HYKK: variants seen among roughly 807,000 people sequenced by gnomAD.
HYKK encodes the protein 5-hydroxy-L-lysine kinase.
HYKK carries 19 observed loss-of-function variants against 29.7 expected under a neutral mutation model. The observed-to-expected ratio is 0.64, with a 90% CI of 0.45 to 0.94. HYKK has a LOEUF of 0.94. HYKK is among the 40% of genes least tolerant of loss of function. HYKK has a pLI of 0.00. For missense variants in HYKK, 390 were observed against 443.4 expected (o/e 0.88, Z 1.08); for synonymous variants, 152 against 158.1 (o/e 0.96, Z 0.29).
At position 78,535,316 on chromosome 15, in the gene HYKK, G is replaced by A. The variant is rs1490125375; in HGVS notation, c.*1646G>A. The A allele has an allele frequency of 6.3e-5, 9 of 143,450 alleles. No homozygotes were observed. The highest frequency in any genetic ancestry group is 2.2e-4 in the South Asian group (1 of 4,618). The allele number at this position is 143,450 out of a possible 1,614,324, so 8.9% of individuals were successfully genotyped here. On this transcript the variant is annotated 3_prime_UTR_variant, in exon 5 of 5. Transcript: ENST00000388988. ...TTTTTTTTTTTTTTGGTGGTGGGGC[G>A]GCAGGGACAGGGTTTCACTGCAGCC... is the stretch of plus-strand genomic sequence containing the variant.
intron 1 of HYKK, among the ~76,000 whole-genome samples, chr15:78,510,769 A>G (rs2052066588): frequency 6.6e-6 from 1 of 152,140 alleles, no homozygotes; most frequent in South Asian, 2.1e-4. Context: ...TAAATTTTAC[A>G]TTCAGTGATA....
chr15:78,533,193 G>C lies in HYKK; in HGVS notation c.662-17G>C. 2 of 1,479,062 alleles carry C rather than the reference G, an allele frequency of 1.4e-6. No individual in the cohort carries two copies. Among genetic ancestry groups the C allele is most frequent in the Non-Finnish European group, 1.9e-6 (2 of 1,067,862 alleles). 91.6% of individuals were successfully genotyped at this position (1,479,062 alleles called of 1,614,324 possible). A position where few individuals can be genotyped will look rare whatever the true frequency, so the allele number is the denominator to read the frequency against. On this transcript the variant is annotated splice_polypyrimidine_tract_variant and intron_variant, in intron 4 of 4. Coordinates refer to ENST00000388988, the MANE Select transcript of HYKK (RefSeq NM_001013619.4). The stretch of plus-strand genomic sequence containing the variant: ...GGATATTCAATAACTGTTTTTACAT[G>C]ATTTTTCTACTTTCAGGTATCAATC...
At chr15:78,537,031 G>T (rs371046829), downstream of HYKK, among the ~76,000 whole-genome samples, 16 of 152,246 alleles carry the variant, frequency 1.1e-4, no homozygotes, top group African/African-American at 3.9e-4. Flanking sequence ...GGCCCCTCAG[G>T]TTCTTAGGTC....
chr15:78,513,482 GGCCACAA>G (rs1322815138), intron 2 of HYKK, 57 bp downstream of exon 2: 1 of 1,273,128 alleles, frequency 7.9e-7, no homozygotes, highest in Non-Finnish European at 1.1e-6. Flanking sequence ...ACTGCATTTT[GGCCACAA>G]GTAGAACTAT....
chr15:78,518,516 T>C (rs971095003), intron 3 of HYKK: 7 of 446,384 alleles, frequency 1.6e-5, no homozygotes, highest in African/African-American at 1.4e-4. Context: ...CTGTTTTTCA[T>C]TGCCTAACGT....
At chr15:78,509,051 A>C (rs2052045701) in intron 1 of HYKK, among the ~76,000 whole-genome samples, 1 of 148,586 alleles carries the variant, frequency 6.7e-6, no homozygotes, top group East Asian at 1.9e-4. Context: ...CTCAAAAACA[A>C]AAAAAAAAAA....
At chr15:78,527,777 TC>T in intron 4 of HYKK, 1 of 1,287,698 alleles carries the variant, frequency 7.8e-7, no homozygotes, top group Non-Finnish European at 9.9e-7. Context: ...CCTCTCTTCT[TC>T]CCATTAAATT....
At chr15:78,516,343 C>CT (rs575124681) in intron 3 of HYKK, among the ~76,000 whole-genome samples, 29,547 of 115,900 alleles carry the variant, frequency 0.25, 4,483 homozygotes, top group Admixed American at 0.42. Flanking sequence ...AAGGGTTGGT[C>CT]TTTTTTTTTT....
At position 78,534,578 on chromosome 15, in the gene HYKK, A is replaced by G. The variant is rs570457676; in HGVS notation, c.*908A>G. 2 of 152,278 alleles carry G rather than the reference A, an allele frequency of 1.3e-5. 1 individual carries two copies. The highest frequency in any genetic ancestry group is 4.1e-4 in the South Asian group (2 of 4,824). 9.4% of individuals were successfully genotyped at this position (152,278 alleles called of 1,614,324 possible). On this transcript the variant is annotated 3_prime_UTR_variant, in exon 5 of 5. Transcript: ENST00000388988. ...CTCATCCCTTCTTATCACACCTGCT[A>G]TTATAGTGCCTTTCCTACAGAGAGG...
chr15:78,530,106 G>C (rs562717632), intron 4 of HYKK, among the ~76,000 whole-genome samples: 2 of 152,136 alleles, frequency 1.3e-5, no homozygotes, highest in South Asian at 2.1e-4. Flanking sequence ...AAAGCACTAA[G>C]ATTACATGAG....
intron 4 of HYKK, among the ~76,000 whole-genome samples, chr15:78,530,196 ATTTATTT>A (rs2052297247): frequency 1.5e-5 from 1 of 65,772 alleles, no homozygotes; most frequent in African/African-American, 4.9e-5. Context: ...ACCATTATTT[ATTTATTT>A]TTTTTTTTTT....
At chr15:78,519,003 C>T (rs576640600) in intron 3 of HYKK, among the ~76,000 whole-genome samples, 17 of 151,424 alleles carry the variant, frequency 1.1e-4, no homozygotes, top group Non-Finnish European at 2.1e-4. Flanking sequence ...AATATTGTAA[C>T]CTTTTTTTCT....
downstream of HYKK, chr15:78,537,360 G>T: frequency 1.6e-6 from 1 of 628,934 alleles, no homozygotes; most frequent in Non-Finnish European, 3.0e-6. Flanking sequence ...TAAACTGTAA[G>T]AATGAACACA....
Position 78,515,019 on chromosome 15 carries a change from C to A in HYKK, c.389C>A (p.Pro130Gln). ...TTGGTGAGGCTGCTGACTTACCTCC[C>A]AGGAAGACCCATCGCTGAGCTTCCC... ...SYLVRLLTYL[P>Q]GRPIAELPVS... Residue 130 changes from proline to glutamine, a missense_variant, in exon 3 of 5, where the codon CCA becomes CAA. Physicochemically the swap from Pro to Gln is moderately conservative, Grantham distance 76. Coordinates refer to ENST00000388988, the MANE Select transcript of HYKK (RefSeq NM_001013619.4). 6.2e-7 allele frequency: 1 copy of A among 1,601,354 alleles called. No individual in the cohort carries two copies.
At chr15:78,509,239 C>T (rs1160181618) in intron 1 of HYKK, among the ~76,000 whole-genome samples, 2 of 152,122 alleles carry the variant, frequency 1.3e-5, no homozygotes, top group African/African-American at 2.4e-5. Flanking sequence ...GCATGGAATA[C>T]TAGAGCTAGA....
chr15:78,514,888 A>AGGTG, intron 2 of HYKK, 80 bp from the exon 3 acceptor site: 1 of 97,506 alleles, frequency 1.0e-5, no homozygotes, highest in Non-Finnish European at 1.6e-5. Flanking sequence ...ATATCTAAAT[A>AGGTG]CCTCTCTCTC....
chr15:78,523,192 C>T (rs897392801), intron 3 of HYKK, among the ~76,000 whole-genome samples: 3 of 152,198 alleles, frequency 2.0e-5, no homozygotes, highest in African/African-American at 7.2e-5. Context: ...CATGCTTCTG[C>T]AGGCTGTACA....
chr15:78,517,237 T>A, intron 3 of HYKK, among the ~76,000 whole-genome samples: 1 of 151,388 alleles, frequency 6.6e-6, no homozygotes, highest in South Asian at 2.1e-4. Context: ...AGATCGTCCC[T>A]CTGAATGTAA....
At chr15:78,509,870 G>A (rs923021683) in intron 1 of HYKK, among the ~76,000 whole-genome samples, 1 of 152,146 alleles carries the variant, frequency 6.6e-6, no homozygotes, top group African/African-American at 2.4e-5. Flanking sequence ...GCAAATGCCT[G>A]GTTAGAAAGT....
Sources: gnomAD v4.1 joint callset for allele counts (sites outside exome capture counted in the v4.1 genomes callset) on GRCh38, gnomAD v4.1.1 for gene constraint, MANE v1.5 for transcripts, NCBI Gene and HGNC (gene_info 2026-07-23, HGNC 2026-07-21) for gene names.